The following CNTN5 variants were observed in gnomAD, a reference collection of about 807,000 sequenced individuals.
The protein encoded by CNTN5 is contactin 5, also known as contactin-5.
In CNTN5, 77 loss-of-function variants were observed where a neutral mutation model predicts 129.1. The ratio of observed to expected loss-of-function variants is 0.60; its 90% CI spans 0.50 to 0.72. CNTN5 has a LOEUF of 0.72. Among genes scored for constraint, CNTN5 ranks in the 30% least tolerant of loss-of-function variants. The pLI is 0.00. For synonymous variants in CNTN5, 509 were observed against 465.6 expected (o/e 1.09, Z -1.20); for missense variants, 1,478 against 1,328.8 (o/e 1.11, Z -1.75).
intron 7 of CNTN5, among the ~76,000 whole-genome samples, chr11:99,944,052 T>TC (rs1950503110): frequency 1.9e-5 from 1 of 51,352 alleles, no homozygotes; most frequent in South Asian, 8.0e-4. Context: ...TTAAAGTAGT[T>TC]TTTTTTTTTC....
At chr11:99,792,538 G>T (rs994812560) in intron 3 of CNTN5, among the ~76,000 whole-genome samples, 1 of 127,746 alleles carries the variant, frequency 7.8e-6, no homozygotes, top group African/African-American at 3.2e-5. Context: ...CCTGAAGAGG[G>T]GTGTGTGTGT....
rs542232805 is a variant in CNTN5, at chr11:100,107,567, A to G, written c.1580+33273A>G. ...AGAATCAGATAAATGTTTGGGAACCATACTGAAAACCAATTCTGAGAATTT... is the reference window on the plus strand; with the variant it reads ...AGAATCAGATAAATGTTTGGGAACCGTACTGAAAACCAATTCTGAGAATTT... On this transcript the variant is annotated intron_variant, in intron 13 of 24. Transcript: ENST00000524871. Among the ~76,000 whole-genome samples, 1,295 of 150,428 alleles carry G rather than the reference A, an allele frequency of 8.6e-3. 6 individuals are homozygous for G. Among genetic ancestry groups the G allele is most frequent in the Non-Finnish European group, 0.013 (906 of 67,744 alleles).
At chr11:99,805,768 T>A (rs370727222) in intron 3 of CNTN5, among the ~76,000 whole-genome samples, 1 of 152,320 alleles carries the variant, frequency 6.6e-6, no homozygotes, top group African/African-American at 2.4e-5. Flanking sequence ...AGTGTCTACA[T>A]TTTAATTAGG....
At chr11:99,710,273 G>A (rs533305321) in intron 3 of CNTN5, among the ~76,000 whole-genome samples, 1 of 151,872 alleles carries the variant, frequency 6.6e-6, no homozygotes, top group South Asian at 2.1e-4. Flanking sequence ...TGCACTGCAC[G>A]TTCCTCCATA....
chr11:100,118,139 GTATT>G (rs1487594481), intron 13 of CNTN5, among the ~76,000 whole-genome samples: 1 of 151,386 alleles, frequency 6.6e-6, no homozygotes, highest in African/African-American at 2.4e-5. Flanking sequence ...AGATAAATAT[GTATT>G]TATTTTTAAG....
At chr11:99,681,107 G>T (rs941524061) in intron 3 of CNTN5, among the ~76,000 whole-genome samples, 2 of 152,008 alleles carry the variant, frequency 1.3e-5, no homozygotes, top group African/African-American at 2.4e-5. Context: ...AAACTTGAAC[G>T]GATGAAGAGT....
intron 2 of CNTN5, among the ~76,000 whole-genome samples, chr11:99,433,745 A>T (rs1247660451): frequency 3.9e-5 from 6 of 152,182 alleles, no homozygotes; most frequent in African/African-American, 1.4e-4. Context: ...AAGTCAATTC[A>T]ATCAATACAG....
At chr11:100,012,693 G>A (rs978964137) in intron 9 of CNTN5, among the ~76,000 whole-genome samples, 1 of 152,114 alleles carries the variant, frequency 6.6e-6, no homozygotes, top group Non-Finnish European at 1.5e-5. Flanking sequence ...AGTATTCTCA[G>A]TTTACAGTTT....
At position 99,144,730 on chromosome 11, in the gene CNTN5, T is replaced by G. The variant is rs1030866091; in HGVS notation, c.-210+123460T>G. Among the ~76,000 whole-genome samples the G allele has an allele frequency of 4.5e-4, 68 of 152,176 alleles. 1 individual carries two copies. Among genetic ancestry groups the G allele is most frequent in the African/African-American group, 1.6e-3 (68 of 41,448 alleles). ...GTTGAAGCTTATTATATTTTCTATT[T>G]CATTCATTGAATTTTTAATTTCCAG... is the stretch of plus-strand genomic sequence containing the variant. On this transcript the variant is annotated intron_variant, in intron 1 of 24. Coordinates refer to ENST00000524871, the MANE Select transcript of CNTN5 (RefSeq NM_014361.4).
chr11:99,737,298 C>T (rs1943744119), intron 3 of CNTN5, among the ~76,000 whole-genome samples: 1 of 152,240 alleles, frequency 6.6e-6, no homozygotes, highest in South Asian at 2.1e-4. Flanking sequence ...TATTGTTCTC[C>T]TGAAGCTCCT....
chr11:99,124,780 G>A (rs1858535241), intron 1 of CNTN5, among the ~76,000 whole-genome samples: 1 of 151,796 alleles, frequency 6.6e-6, no homozygotes, highest in African/African-American at 2.4e-5. Flanking sequence ...TGACAAAGGG[G>A]ATATTACCAC....
chr11:99,271,417 A>G (rs1863165388), intron 1 of CNTN5, among the ~76,000 whole-genome samples: 1 of 151,868 alleles, frequency 6.6e-6, no homozygotes. Context: ...GGGGAAATAC[A>G]CTTTGACAAA....
At chr11:99,380,507 C>T (rs1940474933) in intron 2 of CNTN5, among the ~76,000 whole-genome samples, 1 of 152,056 alleles carries the variant, frequency 6.6e-6, no homozygotes, top group African/African-American at 2.4e-5. Context: ...TGGTGGCTCA[C>T]GCCTGTAATC....
At chr11:99,183,409 T>TATAA (rs1189566652) in intron 1 of CNTN5, among the ~76,000 whole-genome samples, 1 of 152,198 alleles carries the variant, frequency 6.6e-6, no homozygotes, top group Non-Finnish European at 1.5e-5. Context: ...CAGAGATCAT[T>TATAA]ATAACTATTG....
chr11:100,308,985 C>T (rs1771327619), intron 21 of CNTN5: 1 of 984,732 alleles, frequency 1.0e-6, no homozygotes, highest in Admixed American at 6.2e-5. Context: ...TAATGGTGAA[C>T]ATTTCATATC....
intron 3 of CNTN5, among the ~76,000 whole-genome samples, chr11:99,563,331 GT>G (rs1310342323): frequency 6.6e-6 from 1 of 152,160 alleles, no homozygotes; most frequent in Non-Finnish European, 1.5e-5. Flanking sequence ...TGTCAAATCT[GT>G]TTTCTGACAA....
At chr11:99,839,145 A>G (rs757020710) in intron 4 of CNTN5, among the ~76,000 whole-genome samples, 4 of 152,192 alleles carry the variant, frequency 2.6e-5, no homozygotes, top group Non-Finnish European at 5.9e-5. Flanking sequence ...AGGCATGAAA[A>G]GGTTACTTTC....
intron 2 of CNTN5, among the ~76,000 whole-genome samples, chr11:99,487,016 A>C (rs1945845010): frequency 6.6e-6 from 1 of 152,328 alleles, no homozygotes; most frequent in Non-Finnish European, 1.5e-5. Flanking sequence ...TCAGCCTGAA[A>C]GAACACACTG....
intron 13 of CNTN5, among the ~76,000 whole-genome samples, chr11:100,178,590 A>C (rs1393837953): frequency 6.6e-6 from 1 of 152,204 alleles, no homozygotes; most frequent in Non-Finnish European, 1.5e-5. Flanking sequence ...ATAGCACAAG[A>C]TATACACTAA....
Sources: allele counts gnomAD v4.1 joint callset (sites outside exome capture counted in the v4.1 genomes callset), GRCh38; gene constraint gnomAD v4.1.1; transcripts MANE v1.5; gene names NCBI Gene and HGNC (gene_info 2026-07-23, HGNC 2026-07-21).